Variants in SAMD11 observed in about 807,000 individuals in gnomAD.
SAMD11 encodes sterile alpha motif domain-containing protein 11.
In SAMD11, 77 loss-of-function variants were observed where a neutral mutation model predicts 64.4. That is an observed-to-expected ratio of 1.20 (90% CI 0.99 to 1.44). The LOEUF is 1.44. Ranked by LOEUF, SAMD11 falls within the 40% of genes most tolerant of loss-of-function variation. SAMD11 has a pLI of 0.00. For missense variants in SAMD11, 1,402 were observed against 943.3 expected, an observed-to-expected ratio of 1.49 and a Z score of -6.37; for synonymous variants, 658 against 421.9, an observed-to-expected ratio of 1.56 and a Z score of -6.86.
chr1:943,012 A>T lies in SAMD11; in HGVS notation c.2007A>T (p.Thr669=). The change falls in exon 11 of 14, where the codon ACA becomes ACT. Residue 669 remains threonine, a synonymous_variant. Transcript: ENST00000616016. ...GGAAGGGGCTTTTCCCAGGGTCCAC[A>T]CTGCCCCTGGGCTTCCCTTATGCCG... ...AEGKGLFPGS[T]LPLGFPYAVS... 3 of 1,539,102 alleles carry T rather than the reference A, an allele frequency of 1.9e-6. No individual in the cohort carries two copies. The highest frequency in any genetic ancestry group is 2.6e-6 in the Non-Finnish European group (3 of 1,146,214).
chr1:933,589 C>T (rs1641269956), intron 4 of SAMD11, among the ~76,000 whole-genome samples: 1 of 152,168 alleles, frequency 6.6e-6, no homozygotes, highest in South Asian at 2.1e-4. Flanking sequence ...GCTGTGGCTA[C>T]TGCCAGGCCA....
intron 2 of SAMD11, among the ~76,000 whole-genome samples, chr1:927,917 C>T (rs1271219851): frequency 6.6e-6 from 1 of 152,238 alleles, no homozygotes; most frequent in African/African-American, 2.4e-5. Flanking sequence ...GGCTGGGGTG[C>T]CGGTGTGTCC....
intron 8 of SAMD11, among the ~76,000 whole-genome samples, chr1:941,600 TCA>T (rs1641769752): frequency 5.3e-5 from 8 of 151,972 alleles, no homozygotes. Context: ...GCCAGAGGAC[TCA>T]GAGCTGGAGG....
rs777848064 is a variant in SAMD11 at position 930,244 on chromosome 1, C to G, written c.699C>G (p.Ser233Arg). The change falls in exon 3 of 14, where the codon AGC (serine) becomes AGG (arginine). Residue 233 changes from serine (S) to arginine (R), a missense_variant. Ser to Arg is a moderately radical substitution (Grantham distance 110). Transcript: ENST00000616016. ...KKERTPSFSA[S>R]DGDSDGSGPT... is the part of the protein sequence containing the mutation. ...AGCGAACTCCCAGCTTCTCTGCCAG[C>G]GATGGTGACAGCGACGGGAGTGGCC... 1 of 1,602,632 alleles carries G rather than the reference C, an allele frequency of 6.2e-7. No individual in the cohort carries two copies. The highest frequency in any genetic ancestry group is 1.1e-5 in the South Asian group (1 of 88,928).
intron 8 of SAMD11, 98 bp downstream of exon 8, chr1:941,404 G>A: frequency 2.4e-6 from 3 of 1,231,842 alleles, no homozygotes; most frequent in South Asian, 1.5e-5. Flanking sequence ...GCCAAGCACT[G>A]TGTTCAGCTC....
Position 943,296 on chromosome 1 carries a change from C to T in SAMD11, c.2097C>T (p.Ala699=), listed in dbSNP as rs560333806. Residue 699 remains alanine (A), a synonymous_variant, in exon 12 of 14, where the codon GCC becomes GCT. Transcript: ENST00000616016. The part of the protein sequence containing the change: ...GLSMDGEEAP[A]PEDVTKWTVD... Reference sequence around the variant, plus strand: ...CCATGGATGGGGAGGAGGCCCCAGCCCCTGAGGACGTCACCAAGTGGACCG... The same window carrying T: ...CCATGGATGGGGAGGAGGCCCCAGCTCCTGAGGACGTCACCAAGTGGACCG... 1.3e-5 allele frequency: 21 copies of T among 1,612,664 alleles called. No homozygotes were observed. The Admixed American group carries it at 1.7e-4, about 13-fold the overall frequency.
At chr1:936,565 G>A (rs1261731916) in intron 5 of SAMD11, among the ~76,000 whole-genome samples, 2 of 152,164 alleles carry the variant, frequency 1.3e-5, no homozygotes, top group South Asian at 4.1e-4. Flanking sequence ...CTGCTGTAGA[G>A]AGGGGCACAG....
At chr1:943,579 C>CGTTT in intron 12 of SAMD11, 119 bp from the exon 13 acceptor site, 1 of 1,093,638 alleles carries the variant, frequency 9.1e-7, no homozygotes, top group Non-Finnish European at 1.3e-6. Flanking sequence ...CACTCAAACC[C>CGTTT]AACAGATCAC....
intron 3 of SAMD11, among the ~76,000 whole-genome samples, chr1:930,609 C>T (rs1030739172): frequency 2.0e-5 from 3 of 152,240 alleles, no homozygotes; most frequent in Non-Finnish European, 4.4e-5. Context: ...CCTGGGCCGA[C>T]GCTCCAGCTA....
chr1:941,706 T>C (rs1641776793), intron 8 of SAMD11, among the ~76,000 whole-genome samples: 1 of 151,948 alleles, frequency 6.6e-6, no homozygotes, highest in Non-Finnish European at 1.5e-5. Flanking sequence ...CCCGGGTTTC[T>C]CGGGTCCAGG....
intron 4 of SAMD11, 28 bp downstream of exon 4, chr1:931,117 A>G (rs1391315240): frequency 6.2e-7 from 1 of 1,606,220 alleles, no homozygotes; most frequent in Non-Finnish European, 8.5e-7. Context: ...CGTGCATAAG[A>G]GGGGGCCGTG....
chr1:933,315 G>T (rs1000276322), intron 4 of SAMD11, among the ~76,000 whole-genome samples: 1 of 152,220 alleles, frequency 6.6e-6, no homozygotes, highest in African/African-American at 2.4e-5. Flanking sequence ...GGCCAGGCCA[G>T]GCTGTGTCGG....
At chr1:930,911 C>G (rs1263233887) in intron 3 of SAMD11, 128 bp from the exon 4 acceptor site, 6 of 887,222 alleles carry the variant, frequency 6.8e-6, no homozygotes, top group Non-Finnish European at 9.2e-6. Context: ...CAGCCGCCCT[C>G]GTTCACTGCC....
intron 4 of SAMD11, among the ~76,000 whole-genome samples, chr1:935,326 G>A (rs148450758): frequency 6.6e-6 from 1 of 152,256 alleles, no homozygotes; most frequent in Non-Finnish European, 1.5e-5. Context: ...GTTTCCTCGT[G>A]TGCAGAAATC....
Position 942,800 on chromosome 1 carries a change from G to T in SAMD11, c.1795G>T (p.Gly599Cys). 6.5e-7 allele frequency: 1 copy of T among 1,543,684 alleles called. No individual in the cohort carries two copies. The highest frequency in any genetic ancestry group is 8.7e-7 in the Non-Finnish European group (1 of 1,144,738). The change falls in exon 11 of 14, where the codon GGT becomes TGT. Residue 599 changes from glycine to cysteine, a missense_variant. Physicochemically the swap from Gly to Cys is radical, Grantham distance 159 (BLOSUM62 -3). Transcript: ENST00000616016. ...TGCCCGGCGAGCCCCCCGGAAGGGGGGTCCCGGCCCTGCCTCAGCGCGGCC... is the reference window on the plus strand; with the variant it reads ...TGCCCGGCGAGCCCCCCGGAAGGGGTGTCCCGGCCCTGCCTCAGCGCGGCC... ...DSARRAPRKGGPGPASARPSE... is the reference protein window; with the variant it reads ...DSARRAPRKGCPGPASARPSE...
At chr1:940,959 A>ATCTTG in intron 7 of SAMD11, 185 bp from the exon 8 acceptor site, 1 of 530,376 alleles carries the variant, frequency 1.9e-6, no homozygotes, top group Non-Finnish European at 3.3e-6. Flanking sequence ...CTCGCCCAGC[A>ATCTTG]TCTTGTCTGC....
At chr1:931,153 G>A in intron 4 of SAMD11, 64 bp downstream of exon 4, 1 of 664,940 alleles carries the variant, frequency 1.5e-6, no homozygotes, top group Non-Finnish European at 2.0e-6. Context: ...TCCCACCCCT[G>A]ACCGTGCCCT....
At chr1:938,062 G>A (rs1641552524) in intron 5 of SAMD11, among the ~76,000 whole-genome samples, 1 of 152,014 alleles carries the variant, frequency 6.6e-6, no homozygotes, top group East Asian at 2.0e-4. Flanking sequence ...GATGAGGAAG[G>A]GCCAGAGTCG....
intron 2 of SAMD11, among the ~76,000 whole-genome samples, chr1:927,549 G>A (rs1351254500): frequency 6.6e-6 from 1 of 152,152 alleles, no homozygotes; most frequent in Non-Finnish European, 1.5e-5. Context: ...CTTCCCCTAG[G>A]AAGCAACTCC....
Sources: gnomAD v4.1 joint callset for allele counts (sites outside exome capture counted in the v4.1 genomes callset) on GRCh38, gnomAD v4.1.1 for gene constraint, MANE v1.5 for transcripts, NCBI Gene and HGNC (gene_info 2026-07-23, HGNC 2026-07-21) for gene names.